The following TECTA variants were observed in gnomAD, a reference collection of about 807,000 sequenced individuals.
The protein encoded by TECTA is alpha-tectorin.
Under a neutral mutation model 216.8 loss-of-function variants are expected in TECTA, and 128 were observed. The ratio of observed to expected loss-of-function variants is 0.59; its 90% CI spans 0.51 to 0.68. The LOEUF (loss-of-function observed/expected upper bound fraction) is 0.68. TECTA is among the 30% of genes least tolerant of loss of function. The pLI is 0.00. For missense variants in TECTA, 2,551 were observed against 2,786.2 expected (o/e 0.92, Z 1.90); for synonymous variants, 1,089 against 1,117.1 (o/e 0.97, Z 0.50).
intron 10 of TECTA, among the ~76,000 whole-genome samples, chr11:121,134,572 G>A (rs1227929129): frequency 1.4e-5 from 2 of 141,138 alleles, no homozygotes; most frequent in Admixed American, 1.4e-4. Context: ...CTTTCCCAAA[G>A]TCTTTTTTTT....
Position 121,118,686 on chromosome 11 carries a change from C to A in TECTA, c.1171C>A (p.Leu391Ile). ...AGTGGAGGTGAATGGCTACAAGATT[C>A]TCATCCCCAAAGGAAGCTATGGAAG... is the stretch of plus-strand genomic sequence containing the variant. ...LSVEVNGYKI[L>I]IPKGSYGRVK... Residue 391 changes from leucine to isoleucine, a missense_variant, in exon 7 of 24, where the codon CTC (leucine) becomes ATC (isoleucine). Coordinates refer to ENST00000392793, the MANE Select transcript of TECTA (RefSeq NM_005422.4). 1 of 1,613,930 alleles carries A rather than the reference C, an allele frequency of 6.2e-7. No homozygotes were observed. Among genetic ancestry groups the A allele is most frequent in the Non-Finnish European group, 8.5e-7 (1 of 1,180,026 alleles).
rs1555129860 is a variant in TECTA, at chr11:121,173,033, GTTGT to G, written c.5999+4115_5999+4118del. ...TGTCCTTCACCCACTTTTTGATGGG[GTTGT>G]TTGTTTTTTTCTTGTAAATTTGTTT... On this transcript the variant is annotated intron_variant, in intron 20 of 23. Coordinates refer to ENST00000392793, the MANE Select transcript of TECTA (RefSeq NM_005422.4). 2.6e-5 allele frequency among the ~76,000 whole-genome samples: 4 copies of G among 151,358 alleles called. No individual in the cohort carries two copies. The South Asian group carries it at 6.3e-4, about 24-fold the overall frequency.
In TECTA at chr11:121,129,643, T is replaced by C. The variant is rs1226014007; in HGVS notation, c.2373T>C (p.Asn791=). The change falls in exon 10 of 24, where the codon AAT becomes AAC. Residue 791 remains asparagine (N), a synonymous_variant. Transcript: ENST00000392793. ...GGIGASEVKL[N]GQEVELPFFH... Reference sequence around the variant, plus strand: ...AGAATGACTTGATTTTTCAGTTGAATGGTCAGGAAGTGGAATTGCCTTTTT... The same window carrying C: ...AGAATGACTTGATTTTTCAGTTGAACGGTCAGGAAGTGGAATTGCCTTTTT... 1 of 1,614,182 alleles carries C rather than the reference T, an allele frequency of 6.2e-7. No individual in the cohort carries two copies. The highest frequency in any genetic ancestry group is 1.1e-5 in the South Asian group (1 of 91,078).
Position 121,190,704 on chromosome 11 carries a change from A to G in TECTA, c.6368-2A>G. 1 of 1,611,768 alleles carries G rather than the reference A, an allele frequency of 6.2e-7. No individual in the cohort carries two copies. The highest frequency in any genetic ancestry group is 8.5e-7 in the Non-Finnish European group (1 of 1,177,956). The stretch of plus-strand genomic sequence containing the variant: ...GCTTACTGTGTTCCTCTCTGTTTAC[A>G]GCCTCTAATTCTTCAATGGAACTTC... On this transcript the variant is annotated splice_acceptor_variant, in intron 23 of 23. Coordinates refer to ENST00000392793, the MANE Select transcript of TECTA (RefSeq NM_005422.4). LOFTEE classifies it high-confidence loss of function.
chr11:121,177,222 C>G (rs1947176477), intron 20 of TECTA, among the ~76,000 whole-genome samples: 1 of 152,254 alleles, frequency 6.6e-6, no homozygotes, highest in Non-Finnish European at 1.5e-5. Flanking sequence ...TGGTGAGGAG[C>G]TGCATTCCTT....
intron 19 of TECTA, 100 bp from the exon 20 acceptor site, chr11:121,168,577 G>T (rs1947079189): frequency 5.1e-6 from 8 of 1,583,594 alleles, no homozygotes; most frequent in Non-Finnish European, 6.9e-6. Flanking sequence ...TTGCTACTAC[G>T]TGCTTTGCTT....
intron 16 of TECTA, 54 bp from the exon 17 acceptor site, chr11:121,165,219 G>T: frequency 1.3e-6 from 2 of 1,512,264 alleles, no homozygotes; most frequent in East Asian, 2.4e-5. Context: ...AAAAGCTACC[G>T]CATGTAGGTG....
rs971058001 is a variant in TECTA, at chr11:121,106,112, G to A, written c.198+148G>A. 3.2e-5 allele frequency: 40 copies of A among 1,259,958 alleles called. No homozygotes were observed. The Admixed American group carries it at 4.4e-4, about 14-fold the overall frequency. The allele number at this position is 1,259,958 out of a possible 1,614,324, so 78.0% of individuals were successfully genotyped here. ...GACAAGTTCTGAGATTTCATGAGCT[G>A]ATAGGTTTTATGAATAAGAAAGTCA... is the stretch of plus-strand genomic sequence containing the variant. On this transcript the variant is annotated intron_variant, in intron 3 of 23. Coordinates refer to ENST00000392793, the MANE Select transcript of TECTA (RefSeq NM_005422.4).
In TECTA at chr11:121,166,734, C is replaced by T. The variant is rs1198141646; in HGVS notation, c.5540C>T (p.Ser1847Phe). 6.2e-6 allele frequency: 10 copies of T among 1,614,052 alleles called. No individual in the cohort carries two copies. Among genetic ancestry groups the T allele is most frequent in the East Asian group, 2.2e-5 (1 of 44,898 alleles). The part of the protein sequence containing the change: ...CTGIEGEDFI[S>F]FQINNTKGNC... Reference sequence around the variant, plus strand: ...GGCATCGAGGGGGAAGATTTTATCTCCTTTCAGATCAACAACACCAAAGGG... The same window carrying T: ...GGCATCGAGGGGGAAGATTTTATCTTCTTTCAGATCAACAACACCAAAGGG... Residue 1847 changes from serine (S) to phenylalanine (F), a missense_variant, in exon 18 of 24, where the codon TCC becomes TTC. By Grantham distance (155) the Ser-to-Phe change is radical (BLOSUM62 -2). Transcript: ENST00000392793.
In TECTA at chr11:121,128,214, G is replaced by A. The variant is rs143120527; in HGVS notation, c.2237G>A (p.Arg746His). Residue 746 changes from arginine to histidine, a missense_variant, in exon 9 of 24, where the codon CGC (arginine) becomes CAC (histidine). Arg to His is a conservative substitution (Grantham distance 29). Coordinates refer to ENST00000392793, the MANE Select transcript of TECTA (RefSeq NM_005422.4). ...ACCCTCCTGAAGACCTGCCCTGAGC[G>A]CCCAGAGTACTTGGAAATCGACATC... is the stretch of plus-strand genomic sequence containing the variant. The part of the protein sequence containing the change: ...SYTLLKTCPE[R>H]PEYLEIDINK... 3 of 1,603,886 alleles carry A rather than the reference G, an allele frequency of 1.9e-6. No homozygotes were observed. Among genetic ancestry groups the A allele is most frequent in the Non-Finnish European group, 2.5e-6 (3 of 1,179,974 alleles).
chr11:121,156,660 T>TTATTATTA (rs562809075), intron 13 of TECTA, among the ~76,000 whole-genome samples: 131 of 145,396 alleles, frequency 9.0e-4, no homozygotes, highest in Middle Eastern at 3.7e-3. Context: ...TATTATTATT[T>TTATTATTA]TTATTATTAT....
chr11:121,165,349 G>A lies in TECTA; in HGVS notation c.5349G>A (p.Leu1783=), dbSNP rs766932012. Residue 1783 remains leucine, a synonymous_variant, in exon 17 of 24, where the codon CTG becomes CTA. Transcript: ENST00000392793. The part of the protein sequence containing the change: ...RTCELGNGRE[L]CGCIEPPPYG... ...GCGAGCTGGGCAATGGCAGGGAGCT[G>A]TGTGGCTGCATCGAGCCACCCCCCT... The A allele has an allele frequency of 1.2e-6, 2 of 1,604,530 alleles. No individual in the cohort carries two copies. The highest frequency in any genetic ancestry group is 1.7e-6 in the Non-Finnish European group (2 of 1,175,660).
Position 121,168,063 on chromosome 11 carries a change from A to C in TECTA, c.5596A>C (p.Thr1866Pro). The C allele has an allele frequency of 6.2e-7, 1 of 1,614,192 alleles. No homozygotes were observed. The highest frequency in any genetic ancestry group is 8.5e-7 in the Non-Finnish European group (1 of 1,180,006). ...NCGNIVQSNGTHIMYKNTLWI... is the reference protein window; with the variant it reads ...NCGNIVQSNGPHIMYKNTLWI... Reference sequence around the variant, plus strand: ...TCCCCTTGTTCTGCAGTCCAATGGCACGCATATCATGTATAAAAACACACT... The same window carrying C: ...TCCCCTTGTTCTGCAGTCCAATGGCCCGCATATCATGTATAAAAACACACT... Residue 1866 changes from threonine to proline, a missense_variant, in exon 19 of 24, where the codon ACG (threonine) becomes CCG (proline). By Grantham distance (38) the Thr-to-Pro change is conservative. This residue lies in a region of TECTA where 2,375 missense variants were observed against 2,563.9 expected (regional missense o/e 0.93). Transcript: ENST00000392793.
chr11:121,143,437 C>G (rs1946803413), intron 11 of TECTA, among the ~76,000 whole-genome samples: 1 of 152,228 alleles, frequency 6.6e-6, no homozygotes, highest in African/African-American at 2.4e-5. Flanking sequence ...TCCTTTGAGA[C>G]CAGGTGTGGG....
At chr11:121,106,382 G>T (rs1255297240) in intron 3 of TECTA, among the ~76,000 whole-genome samples, 3 of 152,172 alleles carry the variant, frequency 2.0e-5, no homozygotes, top group African/African-American at 7.2e-5. Flanking sequence ...TTGAAGCAGA[G>T]TCGGAACACA....
chr11:121,141,389 G>A (rs1156923928), intron 11 of TECTA, among the ~76,000 whole-genome samples: 1 of 152,206 alleles, frequency 6.6e-6, no homozygotes, highest in African/African-American at 2.4e-5. Flanking sequence ...TTGGGACACA[G>A]GGTCCTTCTA....
chr11:121,144,743 C>T (rs2135104968), intron 11 of TECTA, among the ~76,000 whole-genome samples: 1 of 152,254 alleles, frequency 6.6e-6, no homozygotes, highest in African/African-American at 2.4e-5. Context: ...CCATGGGAGA[C>T]ATCGTGCTGG....
intron 12 of TECTA, among the ~76,000 whole-genome samples, chr11:121,147,717 A>G (rs1219679791): frequency 1.3e-5 from 2 of 152,100 alleles, no homozygotes. Flanking sequence ...TTGGAAGGGA[A>G]AGCTCTGCTG....
chr11:121,186,324 C>G (rs995764587), intron 20 of TECTA, among the ~76,000 whole-genome samples: 14 of 152,236 alleles, frequency 9.2e-5, no homozygotes, highest in African/African-American at 3.4e-4. Context: ...CAGGCCACTT[C>G]TCTTGTCTCT....
Sources: gnomAD v4.1 joint callset for allele counts (sites outside exome capture counted in the v4.1 genomes callset) on GRCh38, gnomAD v4.1.1 for gene constraint, gnomAD v4.1.1 regional missense constraint, MANE v1.5 for transcripts, NCBI Gene and HGNC (gene_info 2026-07-23, HGNC 2026-07-21) for gene names.